Variants in FBXO11 observed in about 807,000 individuals in gnomAD.
The protein encoded by FBXO11 is F-box only protein 11.
A neutral mutation model predicts 117.0 loss-of-function variants in FBXO11; 13 were observed. That is an observed-to-expected ratio of 0.11 (90% CI 0.07 to 0.18). FBXO11 has a LOEUF of 0.18. Among genes scored for constraint, FBXO11 ranks in the 10% least tolerant of loss-of-function variants. The pLI, the probability that FBXO11 is intolerant of heterozygous loss-of-function variation, is 1.00. For missense variants in FBXO11, 767 were observed against 1,164.4 expected (o/e 0.66, Z 4.97); for synonymous variants, 490 against 380.5 (o/e 1.29, Z -3.35).
intron 1 of FBXO11, among the ~76,000 whole-genome samples, chr2:47,904,678 G>T (rs536688192): frequency 6.6e-6 from 1 of 151,934 alleles, no homozygotes; most frequent in Non-Finnish European, 1.5e-5. Context: ...ACTAGGAGAC[G>T]GAGAGTAGCA....
At chr2:47,810,739 A>G (rs1670553103) in intron 18 of FBXO11, 1 of 208,002 alleles carries the variant, frequency 4.8e-6, no homozygotes, top group Non-Finnish European at 9.5e-6. Context: ...GTATTGCTGA[A>G]TTAAAGCTAA....
intron 11 of FBXO11, among the ~76,000 whole-genome samples, chr2:47,831,137 C>T (rs948997366): frequency 1.3e-5 from 2 of 151,790 alleles, no homozygotes; most frequent in African/African-American, 4.8e-5. Flanking sequence ...TCTGCCTTGG[C>T]CAGGCGCAGT....
At chr2:47,886,077 A>G (rs1308809763) in intron 1 of FBXO11, among the ~76,000 whole-genome samples, 2 of 152,000 alleles carry the variant, frequency 1.3e-5, no homozygotes, top group East Asian at 3.8e-4. Flanking sequence ...GGCAACATTT[A>G]CCAAACTTTA....
intron 1 of FBXO11, among the ~76,000 whole-genome samples, chr2:47,863,695 T>C (rs950717428): frequency 2.0e-5 from 3 of 152,192 alleles, no homozygotes; most frequent in Admixed American, 6.5e-5. Context: ...CTCATGCCTA[T>C]AATCCCTGCC....
intron 4 of FBXO11, among the ~76,000 whole-genome samples, chr2:47,836,248 C>T (rs552394499): frequency 6.6e-6 from 1 of 152,076 alleles, no homozygotes; most frequent in South Asian, 2.1e-4. Flanking sequence ...GCCTCAGCCT[C>T]CTGAGTAGCT....
In FBXO11 at chr2:47,838,946, A is replaced by C; in HGVS notation, c.500T>G (p.Ile167Ser). ...EKLPDEVVLK[I>S]FSYLLEQDLC... ...ATCCTGTTCCAGCAAGTAAGAGAAG[A>C]TTTTTAGAACCACTTCATCTGGCAG... is the stretch of plus-strand genomic sequence containing the variant. Residue 167 changes from isoleucine (I) to serine (S), a missense_variant, in exon 4 of 23, where the codon ATC (isoleucine) becomes AGC (serine). Around this residue, in one of 10 missense-constraint regions of FBXO11, gnomAD observed 355 missense variants for 299.8 expected, o/e 1.18. Transcript: ENST00000403359. 6.2e-7 allele frequency: 1 copy of C among 1,614,092 alleles called. No individual in the cohort carries two copies. The highest frequency in any genetic ancestry group is 8.5e-7 in the Non-Finnish European group (1 of 1,179,964).
chr2:47,899,828 A>C (rs1311101049), intron 1 of FBXO11, among the ~76,000 whole-genome samples: 1 of 152,232 alleles, frequency 6.6e-6, no homozygotes, highest in Non-Finnish European at 1.5e-5. Flanking sequence ...AAGTGGGACA[A>C]GACAGAAACA....
At chr2:47,894,164 A>G (rs1677475893) in intron 1 of FBXO11, among the ~76,000 whole-genome samples, 1 of 152,180 alleles carries the variant, frequency 6.6e-6, no homozygotes, top group Non-Finnish European at 1.5e-5. Flanking sequence ...CACTTGAAGA[A>G]CTTATCAAGG....
chr2:47,809,810 T>G, intron 19 of FBXO11, 103 bp from the exon 20 acceptor site: 1 of 693,838 alleles, frequency 1.4e-6, no homozygotes. Context: ...TAGAAGTACA[T>G]TAACCCTCTT....
At chr2:47,891,050 C>T (rs373674365) in intron 1 of FBXO11, among the ~76,000 whole-genome samples, 40 of 151,938 alleles carry the variant, frequency 2.6e-4, no homozygotes, top group African/African-American at 9.2e-4. Flanking sequence ...TATCAAACTC[C>T]CGGGCTCAAG....
intron 1 of FBXO11, among the ~76,000 whole-genome samples, chr2:47,856,593 T>C (rs898617693): frequency 6.6e-6 from 1 of 152,234 alleles, no homozygotes; most frequent in African/African-American, 2.4e-5. Context: ...TCAAAACAGC[T>C]AGAAATAATC....
At chr2:47,887,110 A>AC (rs1676916394) in intron 1 of FBXO11, among the ~76,000 whole-genome samples, 1 of 151,762 alleles carries the variant, frequency 6.6e-6, no homozygotes, top group Non-Finnish European at 1.5e-5. Flanking sequence ...ACATGGAGAA[A>AC]CCCCATCTCT....
At chr2:47,831,954 C>G (rs1343161867) in intron 11 of FBXO11, among the ~76,000 whole-genome samples, 1 of 152,108 alleles carries the variant, frequency 6.6e-6, no homozygotes, top group African/African-American at 2.4e-5. Context: ...GTGTTAGATT[C>G]ACTTATGTTG....
chr2:47,872,621 G>A (rs1262692103), intron 1 of FBXO11, among the ~76,000 whole-genome samples: 1 of 152,140 alleles, frequency 6.6e-6, no homozygotes, highest in African/African-American at 2.4e-5. Context: ...ACCGTGCCTG[G>A]CCTTATTTTC....
intron 1 of FBXO11, among the ~76,000 whole-genome samples, chr2:47,884,137 T>G (rs542513884): frequency 1.3e-5 from 2 of 152,310 alleles, no homozygotes; most frequent in East Asian, 3.9e-4. Flanking sequence ...CAGAATCACT[T>G]GAACCCGGGA....
At chr2:47,843,753 CTTT>C (rs1336440846) in intron 1 of FBXO11, among the ~76,000 whole-genome samples, 1 of 151,738 alleles carries the variant, frequency 6.6e-6, no homozygotes, top group Non-Finnish European at 1.5e-5. Context: ...TCTTCTTCTT[CTTT>C]TTTGAGATGA....
chr2:47,885,437 T>G (rs1005337198), intron 1 of FBXO11, among the ~76,000 whole-genome samples: 1 of 151,902 alleles, frequency 6.6e-6, no homozygotes, highest in Non-Finnish European at 1.5e-5. Flanking sequence ...ACCAAGGGCG[T>G]GGTGGTGTAT....
intron 14 of FBXO11, 26 bp from the exon 15 acceptor site, chr2:47,819,104 A>T (rs766101185): frequency 1.6e-5 from 25 of 1,607,114 alleles, no homozygotes; most frequent in Non-Finnish European, 2.0e-5. Context: ...ACTGGTTATA[A>T]TATTTATCTT....
chr2:47,848,374 T>C (rs1235696402), intron 1 of FBXO11, among the ~76,000 whole-genome samples: 1 of 152,126 alleles, frequency 6.6e-6, no homozygotes, highest in Non-Finnish European at 1.5e-5. Flanking sequence ...GCGAGGGATC[T>C]AGGTTGTGCA....
Sources: allele counts gnomAD v4.1 joint callset (sites outside exome capture counted in the v4.1 genomes callset), GRCh38; gene constraint gnomAD v4.1.1; regional missense constraint gnomAD v4.1.1; transcripts MANE v1.5; gene names NCBI Gene and HGNC (gene_info 2026-07-23, HGNC 2026-07-21).